The following ATG7 variants were observed in gnomAD, a reference collection of about 807,000 sequenced individuals.
The protein encoded by ATG7 is autophagy related 7.
A neutral mutation model predicts 82.4 loss-of-function variants in ATG7; 70 were observed. The observed-to-expected ratio is 0.85, with a 90% CI of 0.70 to 1.04. The LOEUF is 1.04. ATG7 is among the 50% of genes least tolerant of loss of function. The pLI is 0.00. For synonymous variants in ATG7, 287 were observed against 313.0 expected (o/e 0.92, Z 0.88); for missense variants, 792 against 864.3 (o/e 0.92, Z 1.05).
downstream of ATG7, chr3:11,558,857 G>A (rs764001175): frequency 1.1e-5 from 18 of 1,605,172 alleles, no homozygotes; most frequent in African/African-American, 2.1e-4. Flanking sequence ...CAGGCAGTCA[G>A]ACACAGGTGG....
intron 3 of ATG7, among the ~76,000 whole-genome samples, chr3:11,287,924 A>G (rs1450019019): frequency 1.3e-5 from 2 of 152,270 alleles, no homozygotes; most frequent in African/African-American, 2.4e-5. Context: ...CATTTAGTCC[A>G]GGAGTCAGCA....
chr3:11,501,761 C>G (rs976184575), intron 20 of ATG7, among the ~76,000 whole-genome samples: 3 of 152,176 alleles, frequency 2.0e-5, no homozygotes, highest in Non-Finnish European at 4.4e-5. Context: ...GCGATTGTGG[C>G]TCACTGCAGC....
chr3:11,397,450 C>T (rs916997069), intron 19 of ATG7, among the ~76,000 whole-genome samples: 2 of 151,870 alleles, frequency 1.3e-5, no homozygotes, highest in African/African-American at 4.8e-5. Flanking sequence ...ACAAGAACTA[C>T]CAGAAATAAA....
the ATG7 span, among the ~76,000 whole-genome samples, chr3:11,570,771 C>T: frequency 6.6e-6 from 1 of 152,170 alleles, no homozygotes; most frequent in Non-Finnish European, 1.5e-5. Context: ...TCCCTTCCTC[C>T]AACTTCTGTT....
At chr3:11,375,579 A>G (rs914448664) in intron 18 of ATG7, among the ~76,000 whole-genome samples, 1 of 152,184 alleles carries the variant, frequency 6.6e-6, no homozygotes, top group African/African-American at 2.4e-5. Context: ...CTTGCCCCCA[A>G]GATGGAGCCT....
intron 19 of ATG7, among the ~76,000 whole-genome samples, chr3:11,396,893 A>C (rs1249314985): frequency 2.6e-5 from 4 of 152,200 alleles, no homozygotes. Flanking sequence ...GGTTAAAGAT[A>C]GGAATTAATG....
At chr3:11,308,024 C>G (rs1948040613) in intron 6 of ATG7, among the ~76,000 whole-genome samples, 1 of 152,196 alleles carries the variant, frequency 6.6e-6, no homozygotes, top group South Asian at 2.1e-4. Context: ...AGGCTCTGCC[C>G]CCACAGGAAT....
At chr3:11,511,620 G>A (rs546753559) in intron 20 of ATG7, among the ~76,000 whole-genome samples, 62 of 152,304 alleles carry the variant, frequency 4.1e-4, no homozygotes, top group African/African-American at 1.4e-3. Flanking sequence ...TTGGGCGGTC[G>A]ATGGGACTGG....
chr3:11,475,834 T>A (rs1286707434), intron 20 of ATG7, among the ~76,000 whole-genome samples: 1 of 148,862 alleles, frequency 6.7e-6, no homozygotes, highest in Non-Finnish European at 1.5e-5. Context: ...ATTTCTTAAC[T>A]TTGGTTCGTC....
At chr3:11,300,681 T>C (rs1946646425) in intron 5 of ATG7, among the ~76,000 whole-genome samples, 1 of 152,226 alleles carries the variant, frequency 6.6e-6, no homozygotes, top group Non-Finnish European at 1.5e-5. Context: ...TAATGACTTT[T>C]TGACTTTACG....
intron 11 of ATG7, among the ~76,000 whole-genome samples, chr3:11,334,152 A>T (rs1323135549): frequency 2.6e-5 from 4 of 152,208 alleles, no homozygotes; most frequent in Admixed American, 6.5e-5. Flanking sequence ...TAAATTTCCT[A>T]GCTCACATAA....
chr3:11,509,988 G>A (rs1308090782), intron 20 of ATG7, among the ~76,000 whole-genome samples: 2 of 152,244 alleles, frequency 1.3e-5, no homozygotes, highest in East Asian at 3.9e-4. Flanking sequence ...AGCTTTCTAA[G>A]TTGATTTCTT....
rs1489750438 is a variant in ATG7 at position 11,325,231 on chromosome 3, C to T, written c.679-6109C>T. Among the ~76,000 whole-genome samples, 5 of 152,202 alleles carry T rather than the reference C, an allele frequency of 3.3e-5. No homozygotes were observed. In the East Asian group the frequency reaches 9.7e-4, roughly 29 times the overall value. On this transcript the variant is annotated intron_variant, in intron 9 of 20. Coordinates refer to ENST00000693202, the MANE Select transcript of ATG7 (RefSeq NM_001349232.2). ...TGCATTTTTCAGAGTGCATCCCCAT[C>T]GTTAAGCATGACTGTCATGGTGGTG... is the stretch of plus-strand genomic sequence containing the variant.
At position 11,532,307 on chromosome 3, in the gene ATG7, G is replaced by A. The variant is rs112936814; in HGVS notation, c.2080-22504G>A. On this transcript the variant is annotated intron_variant, in intron 20 of 20. Coordinates refer to ENST00000693202, the MANE Select transcript of ATG7 (RefSeq NM_001349232.2). ...GAGCCGGCACACATCATCTGCAAGGGACAAACCGGAAGTGTTGTGTGCTAT... is the reference window on the plus strand; with the variant it reads ...GAGCCGGCACACATCATCTGCAAGGAACAAACCGGAAGTGTTGTGTGCTAT... 3.6e-3 allele frequency among the ~76,000 whole-genome samples: 554 copies of A among 152,288 alleles called. 1 individual carries two copies. The highest frequency in any genetic ancestry group is 0.017 in the Middle Eastern group (5 of 294).
chr3:11,557,731 C>T (rs1354851602), downstream of ATG7: 1 of 152,652 alleles, frequency 6.6e-6, no homozygotes, highest in Non-Finnish European at 1.5e-5. Context: ...ATTTTTTCTC[C>T]ATTAAAACAT....
At chr3:11,390,441 G>T (rs984398814) in intron 19 of ATG7, among the ~76,000 whole-genome samples, 1 of 152,184 alleles carries the variant, frequency 6.6e-6, no homozygotes, top group Non-Finnish European at 1.5e-5. Context: ...TCCAATAGGC[G>T]CTGAAAGTAT....
chr3:11,563,853 C>T, the ATG7 span, among the ~76,000 whole-genome samples: 1 of 152,156 alleles, frequency 6.6e-6, no homozygotes, highest in African/African-American at 2.4e-5. Context: ...CCAGGATTCC[C>T]AAGCACCAGA....
intron 19 of ATG7, among the ~76,000 whole-genome samples, chr3:11,399,650 C>T (rs2079630988): frequency 1.3e-5 from 2 of 152,092 alleles, no homozygotes; most frequent in Admixed American, 6.5e-5. Context: ...TCTCGGCTCA[C>T]TGCAACCTCC....
At chr3:11,500,974 G>A (rs1241352676) in intron 20 of ATG7, among the ~76,000 whole-genome samples, 1 of 152,188 alleles carries the variant, frequency 6.6e-6, no homozygotes, top group Non-Finnish European at 1.5e-5. Flanking sequence ...AAATAATAGG[G>A]CCGGGCATGG....
Sources: gnomAD v4.1 joint callset for allele counts (sites outside exome capture counted in the v4.1 genomes callset) on GRCh38, gnomAD v4.1.1 for gene constraint, MANE v1.5 for transcripts, NCBI Gene and HGNC (gene_info 2026-07-23, HGNC 2026-07-21) for gene names.